Variants in DNAH11 observed in about 807,000 individuals in gnomAD.
The protein encoded by DNAH11 is dynein axonemal heavy chain 11.
DNAH11 carries 442 observed loss-of-function variants against 526.0 expected under a neutral mutation model. The ratio of observed to expected loss-of-function variants is 0.84; its 90% CI spans 0.78 to 0.91. DNAH11 has a LOEUF of 0.91. DNAH11 is among the 40% of genes least tolerant of loss of function. The pLI is 0.00. For synonymous variants in DNAH11, 2,461 were observed against 1,935.9 expected, an observed-to-expected ratio of 1.27 and a Z score of -7.12; for missense variants, 6,989 against 5,448.7, an observed-to-expected ratio of 1.28 and a Z score of -8.90.
intron 4 of DNAH11, among the ~76,000 whole-genome samples, chr7:21,560,812 C>T (rs1783424614): frequency 6.6e-6 from 1 of 152,070 alleles, no homozygotes; most frequent in Non-Finnish European, 1.5e-5. Flanking sequence ...TCAATCCAAT[C>T]AAGTTGACAC....
intron 2 of DNAH11, among the ~76,000 whole-genome samples, chr7:21,549,877 T>C (rs1782953492): frequency 6.6e-6 from 1 of 152,194 alleles, no homozygotes; most frequent in Non-Finnish European, 1.5e-5. Flanking sequence ...ATTTTCCACA[T>C]TCCCACAAGG....
In DNAH11 at chr7:21,620,149, G is replaced by T; in HGVS notation, c.4500+71G>T. The T allele has an allele frequency of 1.6e-6, 2 of 1,243,444 alleles. 1 individual carries two copies. Among genetic ancestry groups the T allele is most frequent in the South Asian group, 3.5e-5 (2 of 57,698 alleles). 77.0% of individuals were successfully genotyped at this position (1,243,444 alleles called of 1,614,324 possible). On this transcript the variant is annotated intron_variant, in intron 25 of 81. Coordinates refer to ENST00000409508, the MANE Select transcript of DNAH11 (RefSeq NM_001277115.2). ...TTTGACAAATAATTGTATATATAGG[G>T]TACCATGTGATGTTTTGATGTATGT...
At position 21,840,438 on chromosome 7, in the gene DNAH11, G is replaced by A. The variant is rs1288742567; in HGVS notation, c.10692-2106G>A. On this transcript the variant is annotated intron_variant, in intron 65 of 81. Coordinates refer to ENST00000409508, the MANE Select transcript of DNAH11 (RefSeq NM_001277115.2). ...AATATTTTATACACTTAATAATGAA[G>A]AATCCAAAATTTTCATATGTAAGGT... Among the ~76,000 whole-genome samples the A allele has an allele frequency of 3.4e-4, 52 of 152,044 alleles. 1 individual carries two copies. Among genetic ancestry groups the A allele is most frequent in the Non-Finnish European group, 2.9e-5 (2 of 68,020 alleles).
At chr7:21,665,086 TC>T (rs1389973501) in intron 30 of DNAH11, among the ~76,000 whole-genome samples, 15 of 151,868 alleles carry the variant, frequency 9.9e-5, no homozygotes, top group Admixed American at 3.3e-4. Context: ...TCTTTATCTC[TC>T]TCTCTCTCTC....
chr7:21,699,993 A>C (rs1392442968), intron 36 of DNAH11, among the ~76,000 whole-genome samples: 1 of 150,914 alleles, frequency 6.6e-6, no homozygotes, highest in Non-Finnish European at 1.5e-5. Context: ...CAGAGTTTTC[A>C]AGGAAGAAAG....
chr7:21,822,957 CTTTTTTTTTTTT>C lies in DNAH11; in HGVS notation c.10691+4634_10691+4645del, dbSNP rs67284255. Among the ~76,000 whole-genome samples the C allele has an allele frequency of 4.7e-3, 285 of 60,558 alleles. 4 individuals carry two copies. Among genetic ancestry groups the C allele is most frequent in the African/African-American group, 0.02 (276 of 13,498 alleles). 39.7% of individuals were successfully genotyped at this position (60,558 alleles called of 152,430 possible). Reference sequence around the variant, plus strand: ...ACCCATTTTTAAATCAGATTATTTGCTTTTTTTTTTTTTTTTTTTTTTTTTTTGCTATCGGGT... The same window carrying C: ...ACCCATTTTTAAATCAGATTATTTGCTTTTTTTTTTTTTTTGCTATCGGGT... On this transcript the variant is annotated intron_variant, in intron 65 of 81. Coordinates refer to ENST00000409508, the MANE Select transcript of DNAH11 (RefSeq NM_001277115.2).
chr7:21,851,878 C>T (rs1462182953), intron 66 of DNAH11, among the ~76,000 whole-genome samples: 1 of 152,090 alleles, frequency 6.6e-6, no homozygotes, highest in Non-Finnish European at 1.5e-5. Flanking sequence ...TATGTCTGAG[C>T]AGAAACCAGA....
At chr7:21,866,863 C>T (rs979675619) in intron 71 of DNAH11, among the ~76,000 whole-genome samples, 200 bp downstream of exon 71, 1 of 152,134 alleles carries the variant, frequency 6.6e-6, no homozygotes, top group Non-Finnish European at 1.5e-5. Flanking sequence ...TCAGCACATT[C>T]TTCCCAAAAA....
intron 25 of DNAH11, among the ~76,000 whole-genome samples, chr7:21,625,420 G>A (rs1387359846): frequency 6.6e-6 from 1 of 151,966 alleles, no homozygotes; most frequent in South Asian, 2.1e-4. Context: ...CTGGCTAAAG[G>A]TTTGTTGATT....
At chr7:21,651,196 G>T (rs567548894) in intron 28 of DNAH11, among the ~76,000 whole-genome samples, 9 of 152,242 alleles carry the variant, frequency 5.9e-5, no homozygotes, top group Admixed American at 3.3e-4. Flanking sequence ...CACCAGGCAG[G>T]AGTGGCACTA....
intron 18 of DNAH11, among the ~76,000 whole-genome samples, chr7:21,603,899 C>T (rs762801202): frequency 2.0e-4 from 30 of 152,184 alleles, no homozygotes; most frequent in African/African-American, 4.8e-4. Context: ...TTCACTCTTT[C>T]GGGTGATGGT....
intron 35 of DNAH11, among the ~76,000 whole-genome samples, chr7:21,697,056 A>G (rs925993693): frequency 6.6e-6 from 1 of 152,164 alleles, no homozygotes; most frequent in Admixed American, 6.6e-5. Context: ...AGATCCAAAG[A>G]TACTTTAAGG....
At chr7:21,817,719 TTGTC>T (rs1331498831) in intron 64 of DNAH11, among the ~76,000 whole-genome samples, 2 of 151,940 alleles carry the variant, frequency 1.3e-5, no homozygotes, top group East Asian at 1.9e-4. Flanking sequence ...TAGTTTTTGT[TTGTC>T]TGAATACTTG....
intron 2 of DNAH11, among the ~76,000 whole-genome samples, chr7:21,552,628 A>G (rs1208813652): frequency 6.6e-6 from 1 of 152,208 alleles, no homozygotes; most frequent in East Asian, 1.9e-4. Flanking sequence ...TTCCCCTGGA[A>G]GGTTGGAATT....
At chr7:21,899,477 T>A in intron 80 of DNAH11, 29 bp downstream of exon 80, 1 of 1,548,554 alleles carries the variant, frequency 6.5e-7, no homozygotes, top group Non-Finnish European at 8.9e-7. Flanking sequence ...CAGCCCCTGA[T>A]GCACACAGGA....
At chr7:21,674,416 A>G (rs1469639261) in intron 30 of DNAH11, among the ~76,000 whole-genome samples, 1 of 151,994 alleles carries the variant, frequency 6.6e-6, no homozygotes, top group Non-Finnish European at 1.5e-5. Context: ...GCTGGAGTGC[A>G]GTGGTGTGAT....
intron 2 of DNAH11, among the ~76,000 whole-genome samples, chr7:21,555,691 C>T (rs948008910): frequency 2.6e-5 from 4 of 152,192 alleles, no homozygotes; most frequent in African/African-American, 7.2e-5. Context: ...CATGACGTTG[C>T]CTGGTTGCCA....
chr7:21,719,482 C>T (rs116193541), intron 43 of DNAH11, among the ~76,000 whole-genome samples: 2,066 of 152,262 alleles, frequency 0.014, 43 homozygotes, highest in African/African-American at 0.048. Flanking sequence ...CAGCAGATAG[C>T]GTCACGTTGA....
In DNAH11 at chr7:21,617,483, T is replaced by C. The variant is rs529208027; in HGVS notation, c.4096-136T>C. The C allele has an allele frequency of 2.7e-3, 2,713 of 1,021,946 alleles. 11 individuals are homozygous for C. The highest frequency in any genetic ancestry group is 3.2e-3 in the Non-Finnish European group (2,312 of 712,868). The allele number at this position is 1,021,946 out of a possible 1,614,324, so 63.3% of individuals were successfully genotyped here. On this transcript the variant is annotated intron_variant, in intron 22 of 81. Transcript: ENST00000409508. ...TCCCTTTTCGTTTCTCTGGTTTTGCTCCTTGGTCTAGGAGTTCAAATGCTT... is the reference window on the plus strand; with the variant it reads ...TCCCTTTTCGTTTCTCTGGTTTTGCCCCTTGGTCTAGGAGTTCAAATGCTT...
Sources: allele counts gnomAD v4.1 joint callset (sites outside exome capture counted in the v4.1 genomes callset), GRCh38; gene constraint gnomAD v4.1.1; transcripts MANE v1.5; gene names NCBI Gene and HGNC (gene_info 2026-07-23, HGNC 2026-07-21).